PKP2: variants seen among roughly 807,000 people sequenced by gnomAD.
PKP2 encodes plakophilin-2.
Under a neutral mutation model 83.4 loss-of-function variants are expected in PKP2, and 73 were observed. The ratio of observed to expected loss-of-function variants is 0.88; its 90% confidence interval spans 0.72 to 1.06. PKP2 has a LOEUF of 1.06. PKP2 is among the 50% of genes least tolerant of loss of function. The pLI, the probability that PKP2 is intolerant of heterozygous loss-of-function variation, is 0.00. For missense variants in PKP2, 966 were observed against 1,065.4 expected, an observed-to-expected ratio of 0.91 and a Z score of 1.30; for synonymous variants, 409 against 430.4, an observed-to-expected ratio of 0.95 and a Z score of 0.62.
intron 5 of PKP2, among the ~76,000 whole-genome samples, chr12:32,847,384 A>C (rs1466049600): frequency 6.6e-6 from 1 of 152,220 alleles, no homozygotes; most frequent in African/African-American, 2.4e-5. Context: ...TGCACAATCA[A>C]CTTCCATTTA....
At chr12:32,880,968 A>T (rs1345343834) in intron 1 of PKP2, among the ~76,000 whole-genome samples, 1 of 152,200 alleles carries the variant, frequency 6.6e-6, no homozygotes, top group Non-Finnish European at 1.5e-5. Context: ...GAGACTCATG[A>T]AAGATGTTGA....
intron 9 of PKP2, among the ~76,000 whole-genome samples, chr12:32,819,847 C>T (rs1334360450): frequency 1.3e-5 from 2 of 151,400 alleles, no homozygotes; most frequent in East Asian, 3.9e-4. Context: ...TAGACTCAGA[C>T]CACAGCAAGC....
chr12:32,813,639 G>A (rs1028380000), intron 9 of PKP2, among the ~76,000 whole-genome samples: 3 of 151,908 alleles, frequency 2.0e-5, no homozygotes, highest in Non-Finnish European at 4.4e-5. Context: ...ATTTAGCTGG[G>A]TGTTGTGGTA....
rs753226330 is a variant in PKP2, at chr12:32,796,249, C to T, written c.2217G>A (p.Pro739=). Residue 739 remains proline, a synonymous_variant, in exon 11 of 13, where the codon CCG becomes CCA. Transcript: ENST00000340811. The stretch of plus-strand genomic sequence containing the variant: ...TAGTTTCAATGAGAAGGTCAGTACT[C>T]GGGACTGTGTCAGGAATGATGGAAA... ...DLVSIIPDTV[P]STDLLIETTA... is the part of the protein sequence containing the mutation. 21 of 1,612,718 alleles carry T rather than the reference C, an allele frequency of 1.3e-5. No homozygotes were observed. The highest frequency in any genetic ancestry group is 5.0e-5 in the Admixed American group (3 of 59,912).
chr12:32,840,996 CT>C, intron 6 of PKP2, 31 bp downstream of exon 6: 1 of 1,576,438 alleles, frequency 6.3e-7, no homozygotes. Context: ...TTTATTGCAT[CT>C]TCTATCAGGG....
chr12:32,869,747 C>T (rs190122846), intron 3 of PKP2, among the ~76,000 whole-genome samples: 48 of 152,242 alleles, frequency 3.2e-4, no homozygotes, highest in Non-Finnish European at 5.7e-4. Flanking sequence ...AGGCTGGGCA[C>T]GGTGGCTCAC....
At chr12:32,794,866 C>A (rs1174533473) in intron 11 of PKP2, among the ~76,000 whole-genome samples, 1 of 152,200 alleles carries the variant, frequency 6.6e-6, no homozygotes, top group Admixed American at 6.5e-5. Flanking sequence ...CTTGTGTGCA[C>A]TGCAGAGTGG....
chr12:32,883,832 G>C (rs58537480), intron 1 of PKP2, among the ~76,000 whole-genome samples: 1 of 152,110 alleles, frequency 6.6e-6, no homozygotes, highest in African/African-American at 2.4e-5. Flanking sequence ...AGACTCAAAC[G>C]CTTTCAAAAT....
In PKP2 at chr12:32,792,501, T is replaced by G; in HGVS notation, c.2446-9A>C. 1 of 1,612,654 alleles carries G rather than the reference T, an allele frequency of 6.2e-7. No homozygotes were observed. The highest frequency in any genetic ancestry group is 8.5e-7 in the Non-Finnish European group (1 of 1,178,662). On this transcript the variant is annotated splice_polypyrimidine_tract_variant and intron_variant, in intron 12 of 12. Coordinates refer to ENST00000340811, the MANE Select transcript of PKP2 (RefSeq NM_001005242.3). ...GTCTTCTTAAACTGAGCCTTTGGAA[T>G]AAGCAAACAGAAACGTGAAAGGTAA...
In PKP2 at chr12:32,824,110, C is replaced by T. The variant is rs771041316; in HGVS notation, c.1609G>A (p.Gly537Arg). Residue 537 changes from glycine (G) to arginine (R), a missense_variant, in exon 7 of 13, where the codon GGA becomes AGA. Gly to Arg is a moderately radical substitution (Grantham distance 125, BLOSUM62 -2). Coordinates refer to ENST00000340811, the MANE Select transcript of PKP2 (RefSeq NM_001005242.3). The stretch of plus-strand genomic sequence containing the variant: ...TAATGGACCAGTGAGTCAATGAGTC[C>T]GTCACATCTTCTCATCGCTTTTCTC... ...DGRKAMRRCD[G>R]LIDSLVHYVR... 9.9e-6 allele frequency: 16 copies of T among 1,613,242 alleles called. No individual in the cohort carries two copies. The highest frequency in any genetic ancestry group is 1.7e-5 in the Admixed American group (1 of 60,002).
chr12:32,869,117 C>T, intron 3 of PKP2, 55 bp from the exon 4 acceptor site: 1 of 1,603,420 alleles, frequency 6.2e-7, no homozygotes. Flanking sequence ...CTCCTGCCTA[C>T]CAACCTGGTC....
rs369923216 is a variant in PKP2, at chr12:32,878,282, C to T, written c.598G>A (p.Val200Met). The T allele has an allele frequency of 2.6e-5, 42 of 1,613,794 alleles. No individual in the cohort carries two copies. Among genetic ancestry groups the T allele is most frequent in the East Asian group, 1.3e-4 (6 of 44,866 alleles). Reference sequence around the variant, plus strand: ...GTGGTGCCAGCACGGCTGACCCCCACGATCTCGGAACGAGCATATCTCGGT... The same window carrying T: ...GTGGTGCCAGCACGGCTGACCCCCATGATCTCGGAACGAGCATATCTCGGT... ...VPPRYARSEI[V>M]GVSRAGTTSR... is the part of the protein sequence containing the mutation. The change falls in exon 3 of 13, where the codon GTG becomes ATG. Residue 200 changes from valine (V) to methionine (M), a missense_variant. Transcript: ENST00000340811.
chr12:32,834,673 G>A (rs1210579232), intron 6 of PKP2, among the ~76,000 whole-genome samples: 2 of 151,938 alleles, frequency 1.3e-5, no homozygotes, highest in African/African-American at 4.8e-5. Context: ...ATTGCTTCCA[G>A]TTCTTGTCCT....
chr12:32,879,945 T>G (rs909621585), intron 1 of PKP2, among the ~76,000 whole-genome samples: 2 of 151,818 alleles, frequency 1.3e-5, no homozygotes, highest in Non-Finnish European at 2.9e-5. Context: ...GCTGAAAAAT[T>G]TGGGACTCAT....
intron 1 of PKP2, among the ~76,000 whole-genome samples, chr12:32,888,405 TTCAAG>T (rs1034561694): frequency 6.1e-4 from 93 of 152,340 alleles, no homozygotes; most frequent in African/African-American, 2.1e-3. Context: ...TGTAATGACT[TTCAAG>T]TCATTATATT....
At chr12:32,888,591 G>A (rs1273405164) in intron 1 of PKP2, among the ~76,000 whole-genome samples, 1 of 151,754 alleles carries the variant, frequency 6.6e-6, no homozygotes, top group African/African-American at 2.4e-5. Flanking sequence ...CCGGGTTCAA[G>A]TGATTCTCCT....
intron 6 of PKP2, among the ~76,000 whole-genome samples, chr12:32,835,503 A>G (rs761320499): frequency 9.2e-5 from 14 of 152,150 alleles, no homozygotes; most frequent in Non-Finnish European, 5.9e-5. Flanking sequence ...AAAAAAAAAG[A>G]TATTTTAGCA....
At chr12:32,847,834 C>G (rs1956660931) in intron 5 of PKP2, among the ~76,000 whole-genome samples, 1 of 152,082 alleles carries the variant, frequency 6.6e-6, no homozygotes, top group South Asian at 2.1e-4. Context: ...GGTGCAGTGG[C>G]ATGTCCCTGT....
chr12:32,859,398 T>C (rs1010535342), intron 4 of PKP2, among the ~76,000 whole-genome samples: 14 of 152,210 alleles, frequency 9.2e-5, no homozygotes, highest in African/African-American at 3.4e-4. Context: ...AAGATGATGA[T>C]AAATTCTATA....
Sources: allele counts gnomAD v4.1 joint callset (sites outside exome capture counted in the v4.1 genomes callset), GRCh38; gene constraint gnomAD v4.1.1; transcripts MANE v1.5; gene names NCBI Gene and HGNC (gene_info 2026-07-23, HGNC 2026-07-21).